Variants in SMPD3 observed in about 807,000 individuals in gnomAD.
The protein encoded by SMPD3 is nSMase-2.
In SMPD3, 21 loss-of-function variants were observed where a neutral mutation model predicts 55.7. The observed-to-expected ratio is 0.38, with a 90% confidence interval of 0.27 to 0.54. The LOEUF (loss-of-function observed/expected upper bound fraction) is 0.54. SMPD3 is among the 20% of genes least tolerant of loss of function. The probability of loss-of-function intolerance (pLI) is 0.80; values close to 1 mark genes in which losing one functional copy is unlikely to be tolerated. For missense variants in SMPD3, 842 were observed against 899.6 expected (o/e 0.94, Z 0.82); for synonymous variants, 457 against 404.3 (o/e 1.13, Z -1.56).
At chr16:68,444,172 C>A (rs970943718) in intron 1 of SMPD3, among the ~76,000 whole-genome samples, 2 of 152,202 alleles carry the variant, frequency 1.3e-5, no homozygotes, top group African/African-American at 2.4e-5. Context: ...TCTTGGAGGC[C>A]ATGGCCCTCA....
At chr16:68,399,459 G>C (rs148118333) in intron 1 of SMPD3, among the ~76,000 whole-genome samples, 81 of 152,326 alleles carry the variant, frequency 5.3e-4, no homozygotes, top group African/African-American at 1.7e-3. Flanking sequence ...GAACAACTCT[G>C]CTGTCCCCAC....
In SMPD3 at chr16:68,432,724, A is replaced by G. The variant is rs116012683; in HGVS notation, c.-269+15629T>C. On this transcript the variant is annotated intron_variant, in intron 1 of 8. Coordinates refer to ENST00000219334, the MANE Select transcript of SMPD3 (RefSeq NM_018667.4). ...GCAGCTAAATGTATGAGGTGGGCAG[A>G]AGAAAATTTGAGGGGTCCAGAGTGA... is the stretch of plus-strand genomic sequence containing the variant. Among the ~76,000 whole-genome samples, 1,054 of 152,342 alleles carry G rather than the reference A, an allele frequency of 6.9e-3. 12 individuals carry two copies. The highest frequency in any genetic ancestry group is 0.023 in the African/African-American group (961 of 41,576).
intron 3 of SMPD3, among the ~76,000 whole-genome samples, chr16:68,366,864 C>T (rs1007434998): frequency 1.3e-5 from 2 of 152,014 alleles, no homozygotes; most frequent in African/African-American, 2.4e-5. Context: ...AAAAATTAGC[C>T]GGGCGTGGTG....
intron 1 of SMPD3, among the ~76,000 whole-genome samples, chr16:68,444,944 T>A (rs1447645093): frequency 6.6e-6 from 1 of 152,230 alleles, no homozygotes; most frequent in African/African-American, 2.4e-5. Flanking sequence ...CAATACCAGG[T>A]ATTAAAATAC....
At chr16:68,383,759 A>C (rs1227258003) in intron 2 of SMPD3, among the ~76,000 whole-genome samples, 1 of 152,010 alleles carries the variant, frequency 6.6e-6, no homozygotes, top group South Asian at 2.1e-4. Context: ...ACAACTCTAC[A>C]TCTTCCTCTA....
At chr16:68,429,887 C>T (rs2090466086) in intron 1 of SMPD3, among the ~76,000 whole-genome samples, 1 of 152,126 alleles carries the variant, frequency 6.6e-6, no homozygotes, top group Admixed American at 6.5e-5. Flanking sequence ...CCTGTTCTCC[C>T]TGAGACCAGT....
chr16:68,405,737 C>T (rs2090249768), intron 1 of SMPD3, among the ~76,000 whole-genome samples: 1 of 151,894 alleles, frequency 6.6e-6, no homozygotes, highest in Non-Finnish European at 1.5e-5. Flanking sequence ...ACAGCTTAGG[C>T]CCTGAAGAAA....
At chr16:68,368,606 C>CAGA in intron 3 of SMPD3, 1 of 153,202 alleles carries the variant, frequency 6.5e-6, no homozygotes, top group Admixed American at 6.5e-5. Flanking sequence ...TGGCAGAACA[C>CAGA]AGAAGAGGAG....
rs114126059 is a variant in SMPD3, at chr16:68,442,055, C to T, written c.-269+6298G>A. 6.7e-3 allele frequency among the ~76,000 whole-genome samples: 1,013 copies of T among 152,280 alleles called. 11 individuals are homozygous for T. The highest frequency in any genetic ancestry group is 0.022 in the African/African-American group (922 of 41,534). On this transcript the variant is annotated intron_variant, in intron 1 of 8. Coordinates refer to ENST00000219334, the MANE Select transcript of SMPD3 (RefSeq NM_018667.4). The stretch of plus-strand genomic sequence containing the variant: ...TGTTGGGATTATAGGCATGAGCAAC[C>T]GTGCCTGGGCTATTTCAACTTAAAA...
intron 3 of SMPD3, among the ~76,000 whole-genome samples, chr16:68,365,600 C>T (rs1202758964): frequency 6.6e-6 from 1 of 152,184 alleles, no homozygotes; most frequent in Non-Finnish European, 1.5e-5. Flanking sequence ...CCCCTCCTGG[C>T]CTCGTCGCCT....
intron 2 of SMPD3, among the ~76,000 whole-genome samples, chr16:68,374,764 C>T (rs1352009707): frequency 2.0e-5 from 3 of 152,174 alleles, no homozygotes; most frequent in East Asian, 1.9e-4. Flanking sequence ...TGTGTGGAGC[C>T]GGCTGTCTTC....
chr16:68,371,100 C>G lies in SMPD3; in HGVS notation c.1082G>C (p.Cys361Ser). 1 of 1,614,166 alleles carries G rather than the reference C, an allele frequency of 6.2e-7. No individual in the cohort carries two copies. The highest frequency in any genetic ancestry group is 8.5e-7 in the Non-Finnish European group (1 of 1,180,042). Residue 361 changes from cysteine (C) to serine (S), a missense_variant, in exon 3 of 9, where the codon TGC (cysteine) becomes TCC (serine). Cys to Ser is a moderately radical substitution (Grantham distance 112, BLOSUM62 -1). Coordinates refer to ENST00000219334, the MANE Select transcript of SMPD3 (RefSeq NM_018667.4). ...AFFPANLDFL[C>S]LQEVFDKRAA... Reference sequence around the variant, plus strand: ...TCGCTTGTCAAACACCTCCTGCAGGCACAGGAAGTCCAGGTTGGCGGGGAA... The same window carrying G: ...TCGCTTGTCAAACACCTCCTGCAGGGACAGGAAGTCCAGGTTGGCGGGGAA...
intron 1 of SMPD3, among the ~76,000 whole-genome samples, chr16:68,413,826 C>G (rs1348536782): frequency 6.6e-6 from 1 of 152,206 alleles, no homozygotes; most frequent in African/African-American, 2.4e-5. Flanking sequence ...ATCAGAATCC[C>G]TGACCAGCTG....
Position 68,361,108 on chromosome 16 carries a change from C to T in SMPD3, c.*98G>A. On this transcript the variant is annotated 3_prime_UTR_variant, in exon 9 of 9. Coordinates refer to ENST00000219334, the MANE Select transcript of SMPD3 (RefSeq NM_018667.4). ...ACTGTGGCTCCCTCCCTGTCCCTGCCCTCCTCCCCCAAGCACCGGGCACTC... is the reference window on the plus strand; with the variant it reads ...ACTGTGGCTCCCTCCCTGTCCCTGCTCTCCTCCCCCAAGCACCGGGCACTC... 8.9e-7 allele frequency: 1 copy of T among 1,123,156 alleles called. No individual in the cohort carries two copies. Among genetic ancestry groups the T allele is most frequent in the South Asian group, 1.5e-5 (1 of 67,738 alleles). 69.6% of individuals were successfully genotyped at this position (1,123,156 alleles called of 1,614,324 possible). A position where few individuals can be genotyped will look rare whatever the true frequency, so the allele number is the denominator to read the frequency against.
intron 1 of SMPD3, among the ~76,000 whole-genome samples, chr16:68,392,517 A>C (rs1597640133): frequency 6.6e-6 from 1 of 152,158 alleles, no homozygotes; most frequent in East Asian, 1.9e-4. Flanking sequence ...TCAAGTTTAA[A>C]GGTGGTCATA....
rs2089187020 is a variant in SMPD3 at position 68,360,420 on chromosome 16, AG to A, written c.*785del. The A allele has an allele frequency of 6.8e-6, 1 of 148,132 alleles. No individual in the cohort carries two copies. The highest frequency in any genetic ancestry group is 1.5e-5 in the Non-Finnish European group (1 of 66,440). 9.2% of individuals were successfully genotyped at this position (148,132 alleles called of 1,614,324 possible). On this transcript the variant is annotated 3_prime_UTR_variant, in exon 9 of 9. Coordinates refer to ENST00000219334, the MANE Select transcript of SMPD3 (RefSeq NM_018667.4). ...CACTGCCCAGATGGGAGGCTCCCGGAGGAGGCCCAGGGTGCCAGAGCCTGCC... is the reference window on the plus strand; with the variant it reads ...CACTGCCCAGATGGGAGGCTCCCGGAGAGGCCCAGGGTGCCAGAGCCTGCC...
At chr16:68,430,031 G>A (rs971583512) in intron 1 of SMPD3, among the ~76,000 whole-genome samples, 2 of 152,226 alleles carry the variant, frequency 1.3e-5, no homozygotes, top group South Asian at 2.1e-4. Flanking sequence ...CCCTTCTGTC[G>A]CTGCACCTGT....
chr16:68,399,542 G>C (rs1269273111), intron 1 of SMPD3, among the ~76,000 whole-genome samples: 1 of 152,222 alleles, frequency 6.6e-6, no homozygotes, highest in Admixed American at 6.5e-5. Context: ...TCCCCTTCAA[G>C]AGCCAAGTGC....
chr16:68,413,049 C>G (rs941045247), intron 1 of SMPD3, among the ~76,000 whole-genome samples: 3 of 152,242 alleles, frequency 2.0e-5, no homozygotes, highest in African/African-American at 7.2e-5. Flanking sequence ...GCCGCTAATG[C>G]TTTTTTCTTT....
Sources: allele counts gnomAD v4.1 joint callset (sites outside exome capture counted in the v4.1 genomes callset), GRCh38; gene constraint gnomAD v4.1.1; transcripts MANE v1.5; gene names NCBI Gene and HGNC (gene_info 2026-07-23, HGNC 2026-07-21).